Variants in RIPOR1 observed in about 807,000 individuals in gnomAD.
The protein encoded by RIPOR1 is rho family-interacting cell polarization regulator 1.
RIPOR1 carries 58 observed loss-of-function variants against 116.5 expected under a neutral mutation model. The observed-to-expected ratio is 0.50, with a 90% CI of 0.40 to 0.62. The LOEUF (loss-of-function observed/expected upper bound fraction) is 0.62, where lower values mean the gene tolerates loss of function less well. RIPOR1 is among the 20% of genes least tolerant of loss of function. RIPOR1 has a pLI of 0.00. For missense variants in RIPOR1, 1,372 were observed against 1,586.2 expected (o/e 0.86, Z 2.29); for synonymous variants, 605 against 650.0 (o/e 0.93, Z 1.05).
At position 67,530,366 on chromosome 16, in the gene RIPOR1, G is replaced by A. The variant is rs2050627429; in HGVS notation, c.-24+1452G>A. 1.3e-5 allele frequency among the ~76,000 whole-genome samples: 2 copies of A among 152,176 alleles called. No individual in the cohort carries two copies. The highest frequency in any genetic ancestry group is 2.9e-5 in the Non-Finnish European group (2 of 68,012). On this transcript the variant is annotated intron_variant, in intron 1 of 21. Coordinates refer to ENST00000042381, the MANE Select transcript of RIPOR1 (RefSeq NM_024519.4). This position sits in a 1 kb window ranked among gnomAD's most constrained non-coding sequence, Gnocchi z 4.5. ...CGCCCGGTTCCGGGGTGGGGGGTCC[G>A]GGGCTGTGCCGCTCCCCCTCCCTCC...
At position 67,542,520 on chromosome 16, in the gene RIPOR1, A is replaced by C. The variant is rs1174316235; in HGVS notation, c.1734A>C (p.Ile578=). Residue 578 remains isoleucine, a synonymous_variant, in exon 13 of 22, where the codon ATA becomes ATC. Coordinates refer to ENST00000042381, the MANE Select transcript of RIPOR1 (RefSeq NM_024519.4). The surrounding 1 kb of genome is among the most constrained non-coding windows in gnomAD (Gnocchi z 4.6). ...HTTTGSTHKP[I]ISTLTTTGPT... Reference sequence around the variant, plus strand: ...CTACAGGCTCCACCCACAAGCCCATAATCTCTACCCTTACTACTACAGGCC... The same window carrying C: ...CTACAGGCTCCACCCACAAGCCCATCATCTCTACCCTTACTACTACAGGCC... 1.2e-6 allele frequency: 2 copies of C among 1,613,616 alleles called. No homozygotes were observed.
rs201960687 is a variant in RIPOR1 at position 67,540,320 on chromosome 16, C to T, written c.588C>T (p.Ser196=). The T allele has an allele frequency of 1.8e-5, 29 of 1,614,086 alleles. No homozygotes were observed. The highest frequency in any genetic ancestry group is 2.2e-5 in the Non-Finnish European group (26 of 1,180,008). ...CCCAGAGCATGTGTCTGCTGGAGAG[C>T]GAGCTGGAGGCACAGCTGGGCGAGT... ...EYTESMCLLE[S]ELEAQLGEFH... Residue 196 remains serine, a synonymous_variant, in exon 8 of 22, where the codon AGC becomes AGT. Coordinates refer to ENST00000042381, the MANE Select transcript of RIPOR1 (RefSeq NM_024519.4). The surrounding 1 kb of genome is among the most constrained non-coding windows in gnomAD (Gnocchi z 4.7).
Position 67,538,978 on chromosome 16 carries a change from C to G in RIPOR1, c.258-12C>G, listed in dbSNP as rs1340496504. 1.6e-5 allele frequency: 26 copies of G among 1,613,796 alleles called. No individual in the cohort carries two copies. The highest frequency in any genetic ancestry group is 2.1e-5 in the Non-Finnish European group (25 of 1,179,968). On this transcript the variant is annotated splice_polypyrimidine_tract_variant and intron_variant, in intron 3 of 21. Coordinates refer to ENST00000042381, the MANE Select transcript of RIPOR1 (RefSeq NM_024519.4). ...GAGCCGAGTTCATTCTTGTGGTCGC[C>G]CCTTTCCTCAGGGCCTACTTGGAAG...
intron 1 of RIPOR1, among the ~76,000 whole-genome samples, chr16:67,536,317 G>A (rs1011098106): frequency 6.6e-6 from 1 of 152,124 alleles, no homozygotes; most frequent in Middle Eastern, 3.2e-3. Flanking sequence ...GCATAGTGGC[G>A]GGTGTTTGTA....
chr16:67,538,030 G>C (rs540752057), intron 1 of RIPOR1: 71 of 210,786 alleles, frequency 3.4e-4, no homozygotes, highest in Middle Eastern at 1.5e-3. Context: ...GGGTGCCCTG[G>C]GGGGGGAAAT....
rs201739741 is a variant in RIPOR1 at position 67,545,377 on chromosome 16, G to A, written c.3033G>A (p.Val1011=). ...GGCCCATGCTACTGCCTCCTGCAGT[G>A]TGTGTGAAGTTCCTGGAGGATGCCC... ...SLRQPGLAEA[V]CVKFLEDALG... is the part of the protein sequence containing the mutation. The change falls in exon 18 of 22, where the codon GTG becomes GTA. Residue 1011 remains valine (V), a splice_region_variant and synonymous_variant. Coordinates refer to ENST00000042381, the MANE Select transcript of RIPOR1 (RefSeq NM_024519.4). This position sits in a 1 kb window ranked among gnomAD's most constrained non-coding sequence, Gnocchi z 4.8. 12 of 1,613,788 alleles carry A rather than the reference G, an allele frequency of 7.4e-6. No homozygotes were observed.
Position 67,531,769 on chromosome 16 carries a change from T to C in RIPOR1, c.-24+2855T>C. 1 of 333,524 alleles carries C rather than the reference T, an allele frequency of 3.0e-6. No homozygotes were observed. The highest frequency in any genetic ancestry group is 2.2e-5 in the South Asian group (1 of 45,078). The allele number at this position is 333,524 out of a possible 1,614,324, so 20.7% of individuals were successfully genotyped here. On this transcript the variant is annotated intron_variant, in intron 1 of 21. Transcript: ENST00000042381. This position sits in a 1 kb window ranked among gnomAD's most constrained non-coding sequence, Gnocchi z 4.2. Reference sequence around the variant, plus strand: ...TGTTAGAGAGTCTGGGCTTTCTCCCTGGGACAAGAGTGGCTGTGGCTATTT... The same window carrying C: ...TGTTAGAGAGTCTGGGCTTTCTCCCCGGGACAAGAGTGGCTGTGGCTATTT...
At position 67,537,478 on chromosome 16, in the gene RIPOR1, C is replaced by T; in HGVS notation, c.-23-946C>T. 8.0e-7 allele frequency: 1 copy of T among 1,251,320 alleles called. No homozygotes were observed. The highest frequency in any genetic ancestry group is 1.0e-6 in the Non-Finnish European group (1 of 996,882). The allele number at this position is 1,251,320 out of a possible 1,614,324, so 77.5% of individuals were successfully genotyped here. ...GGAGGAGCCGAAGCCGAGCCAGAGCCGCTGGGAGCGAGCCCGGAGCCCAGC... is the reference window on the plus strand; with the variant it reads ...GGAGGAGCCGAAGCCGAGCCAGAGCTGCTGGGAGCGAGCCCGGAGCCCAGC... On this transcript the variant is annotated intron_variant, in intron 1 of 21. Coordinates refer to ENST00000042381, the MANE Select transcript of RIPOR1 (RefSeq NM_024519.4). The surrounding 1 kb of genome is among the most constrained non-coding windows in gnomAD (Gnocchi z 4.6).
Position 67,542,070 on chromosome 16 carries a change from TGAG to T in RIPOR1, c.1289_1291del (p.Glu430del), listed in dbSNP as rs1245099049. 6.2e-7 allele frequency: 1 copy of T among 1,606,110 alleles called. No individual in the cohort carries two copies. Among genetic ancestry groups the T allele is most frequent in the African/African-American group, 1.3e-5 (1 of 74,710 alleles). On this transcript the variant is annotated inframe_deletion, in exon 13 of 22. Coordinates refer to ENST00000042381, the MANE Select transcript of RIPOR1 (RefSeq NM_024519.4). This position sits in a 1 kb window ranked among gnomAD's most constrained non-coding sequence, Gnocchi z 4.6. ...AGACCCCCAGCTCTGGGCCCTTGGATGAGGAGGGGGCCGTGGCCCCAGTCCTGG... is the reference window on the plus strand; with the variant it reads ...AGACCCCCAGCTCTGGGCCCTTGGATGAGGGGGCCGTGGCCCCAGTCCTGG...
rs748178348 is a variant in RIPOR1 at position 67,546,126 on chromosome 16, T to A, written c.3472-15T>A. 1 of 1,600,512 alleles carries A rather than the reference T, an allele frequency of 6.2e-7. No individual in the cohort carries two copies. The highest frequency in any genetic ancestry group is 1.7e-5 in the Admixed American group (1 of 58,982). On this transcript the variant is annotated splice_polypyrimidine_tract_variant and intron_variant, in intron 20 of 21. Transcript: ENST00000042381. ...TGCTCCCCTGAGCCCACCTCAATGC[T>A]CCCTCCCCTGACAGGCTCCCGAGGG...
In RIPOR1 at chr16:67,538,757, C is replaced by T. The variant is rs1395620758; in HGVS notation, c.190C>T (p.Pro64Ser). 1 of 1,613,396 alleles carries T rather than the reference C, an allele frequency of 6.2e-7. No homozygotes were observed. The highest frequency in any genetic ancestry group is 8.5e-7 in the Non-Finnish European group (1 of 1,179,970). ...GTCCAGGATGTTTTCCGTGGCTCAC[C>T]CAGCCGCCAAGGTGCCGCAGCCCGA... ...RVSRMFSVAH[P>S]AAKVPQPERL... Residue 64 changes from proline to serine, a missense_variant, in exon 3 of 22, where the codon CCA (proline) becomes TCA (serine). By Grantham distance (74) the Pro-to-Ser change is moderately conservative. This residue lies in a region of RIPOR1 where 165 missense variants were observed against 145.5 expected (regional missense o/e 1.13). Transcript: ENST00000042381.
Position 67,529,877 on chromosome 16 carries a change from G to A in RIPOR1, c.-24+963G>A. On this transcript the variant is annotated intron_variant, in intron 1 of 21. Coordinates refer to ENST00000042381, the MANE Select transcript of RIPOR1 (RefSeq NM_024519.4). This position sits in a 1 kb window ranked among gnomAD's most constrained non-coding sequence, Gnocchi z 4.1. Reference sequence around the variant, plus strand: ...CCAGAGAGGTTAGTAGTATTCTCAAGGTCACACAGCTGGTTTGGGAGAAGC... The same window carrying A: ...CCAGAGAGGTTAGTAGTATTCTCAAAGTCACACAGCTGGTTTGGGAGAAGC... The A allele has an allele frequency of 6.8e-7, 1 of 1,471,944 alleles. No homozygotes were observed. The highest frequency in any genetic ancestry group is 9.2e-7 in the Non-Finnish European group (1 of 1,088,364). 91.2% of individuals were successfully genotyped at this position (1,471,944 alleles called of 1,614,324 possible).
upstream of RIPOR1, among the ~76,000 whole-genome samples, chr16:67,527,291 T>C (rs2050549405): frequency 6.7e-6 from 1 of 150,244 alleles, no homozygotes; most frequent in Non-Finnish European, 1.5e-5. Flanking sequence ...GGGACATCTC[T>C]ACCAAAAATA....
At chr16:67,536,401 T>C (rs1163112925) in intron 1 of RIPOR1, among the ~76,000 whole-genome samples, 2 of 151,746 alleles carry the variant, frequency 1.3e-5, no homozygotes, top group Admixed American at 6.6e-5. Context: ...TGAGCCAAGA[T>C]CGTGCCACTG....
Position 67,540,030 on chromosome 16 carries a change from T to C in RIPOR1, c.415-23T>C. ...CAGAGGTGAGTCTCAGTCCCCCTAC[T>C]GTCACCCCACTCACCTTCCCAGATC... On this transcript the variant is annotated intron_variant, in intron 6 of 21. Coordinates refer to ENST00000042381, the MANE Select transcript of RIPOR1 (RefSeq NM_024519.4). This position sits in a 1 kb window ranked among gnomAD's most constrained non-coding sequence, Gnocchi z 4.7. 1 of 1,614,054 alleles carries C rather than the reference T, an allele frequency of 6.2e-7. No individual in the cohort carries two copies. The highest frequency in any genetic ancestry group is 8.5e-7 in the Non-Finnish European group (1 of 1,179,960).
intron 1 of RIPOR1, among the ~76,000 whole-genome samples, chr16:67,533,334 G>A (rs891818079): frequency 6.6e-6 from 1 of 152,132 alleles, no homozygotes; most frequent in Non-Finnish European, 1.5e-5. Context: ...TTGGGTGGAG[G>A]AGAGATAAGG....
chr16:67,524,728 A>C (rs1389190629), upstream of RIPOR1, among the ~76,000 whole-genome samples: 1 of 152,166 alleles, frequency 6.6e-6, no homozygotes, highest in Non-Finnish European at 1.5e-5. Flanking sequence ...CAGACTCCAC[A>C]TCCCTTCAGT....
At chr16:67,539,600 G>A in intron 4 of RIPOR1, 128 bp from the exon 5 acceptor site, 1 of 1,144,736 alleles carries the variant, frequency 8.7e-7, no homozygotes, top group African/African-American at 1.5e-5. Context: ...AGGGGCGTCA[G>A]TTGCTACTGT....
intron 1 of RIPOR1, among the ~76,000 whole-genome samples, chr16:67,520,440 G>GAGAAGAGAAGAGAAGAGA (rs2142387073): frequency 6.7e-6 from 1 of 149,652 alleles, no homozygotes; most frequent in East Asian, 2.0e-4. Context: ...GAGAAGATAA[G>GAGAAGAGAAGAGAAGAGA]AGAAGAGAAG....
Sources: allele counts gnomAD v4.1 joint callset (sites outside exome capture counted in the v4.1 genomes callset), GRCh38; gene constraint gnomAD v4.1.1; regional missense constraint gnomAD v4.1.1; non-coding constraint Gnocchi (gnomAD v3.1); transcripts MANE v1.5; gene names NCBI Gene and HGNC (gene_info 2026-07-23, HGNC 2026-07-21).